The following CACNA2D3 variants were observed in gnomAD, a reference collection of about 807,000 sequenced individuals.
CACNA2D3 encodes calcium voltage-gated channel auxiliary subunit alpha2delta 3, also known as voltage-dependent calcium channel subunit alpha-2/delta-3.
In CACNA2D3, 60 loss-of-function variants were observed where a neutral mutation model predicts 160.6. The observed-to-expected ratio is 0.37, with a 90% CI of 0.30 to 0.46. The LOEUF (loss-of-function observed/expected upper bound fraction) is 0.46. Ranked by LOEUF, CACNA2D3 falls within the 20% of genes least tolerant of loss-of-function variation. The pLI is 1.00. For missense variants in CACNA2D3, 1,205 were observed against 1,365.0 expected (o/e 0.88, Z 1.85); for synonymous variants, 558 against 492.9 (o/e 1.13, Z -1.75).
At chr3:54,696,503 AG>A (rs1188897114) in intron 11 of CACNA2D3, among the ~76,000 whole-genome samples, 1 of 152,110 alleles carries the variant, frequency 6.6e-6, no homozygotes, top group African/African-American at 2.4e-5. Flanking sequence ...TCCTTAGAAG[AG>A]GGTTTTTTTT....
intron 13 of CACNA2D3, among the ~76,000 whole-genome samples, chr3:54,814,737 T>C (rs1308271963): frequency 6.6e-6 from 1 of 152,206 alleles, no homozygotes; most frequent in Non-Finnish European, 1.5e-5. Context: ...GTCTGTCATT[T>C]TCCTTCCCAG....
chr3:54,964,705 T>G (rs987301276), intron 27 of CACNA2D3, among the ~76,000 whole-genome samples: 2 of 152,136 alleles, frequency 1.3e-5, no homozygotes, highest in South Asian at 2.1e-4. Context: ...AAGCTACACT[T>G]CTGTTTGTGG....
At chr3:54,344,991 G>T (rs1457973061) in intron 3 of CACNA2D3, among the ~76,000 whole-genome samples, 2 of 152,170 alleles carry the variant, frequency 1.3e-5, no homozygotes, top group South Asian at 2.1e-4. Flanking sequence ...CACCATGAGC[G>T]CCATGACAGT....
chr3:54,187,351 A>G (rs558454373), intron 2 of CACNA2D3, among the ~76,000 whole-genome samples: 6 of 152,346 alleles, frequency 3.9e-5, no homozygotes, highest in South Asian at 2.1e-4. Flanking sequence ...GACAGAAACT[A>G]CAGAGATTTT....
chr3:54,677,875 CAAAG>C (rs1287667164), intron 11 of CACNA2D3, among the ~76,000 whole-genome samples: 7 of 151,600 alleles, frequency 4.6e-5, no homozygotes, highest in African/African-American at 1.7e-4. Context: ...TCATCAGAGA[CAAAG>C]AAAGGGCAAT....
At chr3:54,555,125 C>G (rs900330441) in intron 5 of CACNA2D3, among the ~76,000 whole-genome samples, 4 of 152,118 alleles carry the variant, frequency 2.6e-5, no homozygotes, top group African/African-American at 9.7e-5. Context: ...ATCCACCCAC[C>G]TTGACCTCCC....
At position 54,825,884 on chromosome 3, in the gene CACNA2D3, T is replaced by C. The variant is rs143491350; in HGVS notation, c.1398+9014T>C. Among the ~76,000 whole-genome samples, 11 of 152,282 alleles carry C rather than the reference T, an allele frequency of 7.2e-5. No homozygotes were observed. The East Asian group carries it at 2.1e-3, about 29-fold the overall frequency. ...TTTAATCTGACTTTATTAGTTCTCA[T>C]AGGAAGGGATTTCCTGTGTGGAAGA... On this transcript the variant is annotated intron_variant, in intron 14 of 37. Transcript: ENST00000474759.
chr3:54,156,112 C>T (rs1450691562), intron 2 of CACNA2D3, among the ~76,000 whole-genome samples: 2 of 152,110 alleles, frequency 1.3e-5, no homozygotes, highest in Non-Finnish European at 2.9e-5. Flanking sequence ...TTCAAATTGC[C>T]CAGGTGTTCA....
intron 2 of CACNA2D3, among the ~76,000 whole-genome samples, chr3:54,203,976 C>A (rs1472552226): frequency 6.6e-6 from 1 of 151,968 alleles, no homozygotes; most frequent in Non-Finnish European, 1.5e-5. Flanking sequence ...GGGACCCTAG[C>A]CAGGGACCCG....
chr3:54,953,487 C>T lies in CACNA2D3; in HGVS notation c.2450-14963C>T, dbSNP rs140386379. ...GATCATGGGACGCAGCTGAAGCCTT[C>T]GCGCTTGGTGGTCAGATGGCCCATG... On this transcript the variant is annotated intron_variant, in intron 27 of 37. Transcript: ENST00000474759. Among the ~76,000 whole-genome samples the T allele has an allele frequency of 3.9e-3, 594 of 152,304 alleles. 6 individuals carry two copies. Among genetic ancestry groups the T allele is most frequent in the African/African-American group, 0.013 (558 of 41,568 alleles).
chr3:54,465,222 A>C (rs1700599437), intron 4 of CACNA2D3, among the ~76,000 whole-genome samples: 1 of 151,446 alleles, frequency 6.6e-6, no homozygotes, highest in African/African-American at 2.4e-5. Context: ...TCATTGTTGA[A>C]TGTTTCCTTC....
chr3:54,886,757 G>A (rs1699934029), intron 23 of CACNA2D3, among the ~76,000 whole-genome samples: 1 of 151,664 alleles, frequency 6.6e-6, no homozygotes, highest in Admixed American at 6.6e-5. Context: ...TACAATATGT[G>A]TATAAAGTAT....
intron 9 of CACNA2D3, among the ~76,000 whole-genome samples, chr3:54,621,759 T>C (rs1698992405): frequency 6.6e-6 from 1 of 152,192 alleles, no homozygotes; most frequent in Non-Finnish European, 1.5e-5. Context: ...TGAGAAAACC[T>C]GGCCCTCGAA....
intron 35 of CACNA2D3, among the ~76,000 whole-genome samples, chr3:55,043,149 A>T (rs1703993420): frequency 6.6e-6 from 1 of 152,026 alleles, no homozygotes; most frequent in Admixed American, 6.6e-5. Flanking sequence ...ATTGTGTGGG[A>T]AATGTGTGTT....
chr3:54,953,999 A>C (rs1701821356), intron 27 of CACNA2D3, among the ~76,000 whole-genome samples: 1 of 152,210 alleles, frequency 6.6e-6, no homozygotes. Context: ...CCATCCATGC[A>C]GTTTTATTTG....
At chr3:54,301,557 TTAG>T (rs1703477470) in intron 2 of CACNA2D3, among the ~76,000 whole-genome samples, 2 of 152,208 alleles carry the variant, frequency 1.3e-5, no homozygotes, top group Non-Finnish European at 2.9e-5. Context: ...TATAATAATT[TTAG>T]TAGGAAATCA....
intron 9 of CACNA2D3, among the ~76,000 whole-genome samples, chr3:54,620,759 C>G (rs1698968140): frequency 6.6e-6 from 1 of 152,164 alleles, no homozygotes; most frequent in Non-Finnish European, 1.5e-5. Flanking sequence ...GTGAAGGGGC[C>G]CTATTGCACA....
intron 5 of CACNA2D3, among the ~76,000 whole-genome samples, chr3:54,538,804 C>T (rs1701926919): frequency 6.6e-6 from 1 of 152,162 alleles, no homozygotes; most frequent in African/African-American, 2.4e-5. Context: ...GCCCATTTCT[C>T]TTAAGGGGGC....
intron 2 of CACNA2D3, among the ~76,000 whole-genome samples, chr3:54,242,379 G>T (rs1253078930): frequency 6.6e-6 from 1 of 152,224 alleles, no homozygotes; most frequent in Non-Finnish European, 1.5e-5. Flanking sequence ...GGAGGCAGAG[G>T]TTGCGGCGAG....
Sources: allele counts gnomAD v4.1 joint callset (sites outside exome capture counted in the v4.1 genomes callset), GRCh38; gene constraint gnomAD v4.1.1; transcripts MANE v1.5; gene names NCBI Gene and HGNC (gene_info 2026-07-23, HGNC 2026-07-21).